RAPGEF5: variants seen among roughly 807,000 people sequenced by gnomAD.
RAPGEF5 encodes Rap guanine nucleotide exchange factor 5.
In RAPGEF5, 65 loss-of-function variants were observed where a neutral mutation model predicts 125.2. The observed-to-expected ratio is 0.52, with a 90% CI of 0.43 to 0.64. RAPGEF5 has a LOEUF of 0.64. Among genes scored for constraint, RAPGEF5 ranks in the 30% least tolerant of loss-of-function variants. The pLI, the probability that RAPGEF5 is intolerant of heterozygous loss-of-function variation, is 0.00. For synonymous variants in RAPGEF5, 391 were observed against 385.9 expected (o/e 1.01, Z -0.16); for missense variants, 958 against 1,048.1 (o/e 0.91, Z 1.19).
chr7:22,176,935 G>C (rs972779667), intron 11 of RAPGEF5, among the ~76,000 whole-genome samples: 1 of 152,156 alleles, frequency 6.6e-6, no homozygotes, highest in African/African-American at 2.4e-5. Flanking sequence ...TAAAAATACT[G>C]CTAGGACAAA....
At chr7:22,323,511 C>T (rs1783756204) in intron 1 of RAPGEF5, among the ~76,000 whole-genome samples, 1 of 152,176 alleles carries the variant, frequency 6.6e-6, no homozygotes, top group African/African-American at 2.4e-5. Context: ...GTTTTGCCTA[C>T]CAATATGGGC....
At chr7:22,263,994 A>G (rs147104720) in intron 7 of RAPGEF5, among the ~76,000 whole-genome samples, 7 of 152,310 alleles carry the variant, frequency 4.6e-5, no homozygotes, top group Admixed American at 6.5e-5. Context: ...AAGAGAATAC[A>G]TGCTACTGTA....
rs1562525617 is a variant in RAPGEF5, at chr7:22,316,476, TATATATATATA to T, written c.283-1011_283-1001del. Among the ~76,000 whole-genome samples the T allele has an allele frequency of 1.6e-3, 91 of 57,736 alleles. 1 individual carries two copies. The highest frequency in any genetic ancestry group is 6.6e-3 in the African/African-American group (88 of 13,260). The allele number at this position is 57,736 out of a possible 152,430, so 37.9% of individuals were successfully genotyped here. A position where few individuals can be genotyped will look rare whatever the true frequency, so the allele number is the denominator to read the frequency against. ...ATACATAGACATATATATATATATA[TATATATATATA>T]TATTTTTTTTTTTTTTTTTTTGAGG... On this transcript the variant is annotated intron_variant, in intron 2 of 25. Transcript: ENST00000665637.
chr7:22,357,122 C>T lies in RAPGEF5; in HGVS notation c.-62G>A. Reference sequence around the variant, plus strand: ...ACCGCGCTCGCCTCCGCGCGCCGTCCGCGCCTTCGCCAGGAAGCGAGAGGG... The same window carrying T: ...ACCGCGCTCGCCTCCGCGCGCCGTCTGCGCCTTCGCCAGGAAGCGAGAGGG... On this transcript the variant is annotated 5_prime_UTR_variant, in exon 1 of 26. Transcript: ENST00000665637. 1 of 907,632 alleles carries T rather than the reference C, an allele frequency of 1.1e-6. No homozygotes were observed. Among genetic ancestry groups the T allele is most frequent in the Non-Finnish European group, 1.3e-6 (1 of 753,430 alleles). 56.2% of individuals were successfully genotyped at this position (907,632 alleles called of 1,614,324 possible). A position where few individuals can be genotyped will look rare whatever the true frequency, so the allele number is the denominator to read the frequency against.
At position 22,209,422 on chromosome 7, in the gene RAPGEF5, G is replaced by A. The variant is rs148802784; in HGVS notation, c.996+10444C>T. Among the ~76,000 whole-genome samples the A allele has an allele frequency of 3.5e-4, 53 of 152,098 alleles. 1 individual carries two copies. The East Asian group carries it at 8.9e-3, about 25-fold the overall frequency. On this transcript the variant is annotated intron_variant, in intron 9 of 25. Coordinates refer to ENST00000665637, the MANE Select transcript of RAPGEF5 (RefSeq NM_012294.5). ...GTGTGTGCTCTCATCTCTCCATTTC[G>A]TATCCTACAGTTTTTACTTACATAT... is the stretch of plus-strand genomic sequence containing the variant.
At chr7:22,340,069 G>A (rs186201198) in intron 1 of RAPGEF5, among the ~76,000 whole-genome samples, 138 of 152,228 alleles carry the variant, frequency 9.1e-4, no homozygotes, top group Admixed American at 8.1e-3. Flanking sequence ...AACATGCAGA[G>A]GTGTGCTTCA....
intron 6 of RAPGEF5, among the ~76,000 whole-genome samples, chr7:22,277,420 AT>A (rs1188376544): frequency 6.6e-6 from 1 of 152,148 alleles, no homozygotes; most frequent in African/African-American, 2.4e-5. Flanking sequence ...ATTATCACCC[AT>A]TTTACTGCTT....
At chr7:22,211,991 G>A (rs1160038766) in intron 9 of RAPGEF5, among the ~76,000 whole-genome samples, 2 of 121,008 alleles carry the variant, frequency 1.7e-5, no homozygotes, top group Admixed American at 9.2e-5. Context: ...TTTTTAGACC[G>A]AGTCTCGCAC....
rs35024654 is a variant in RAPGEF5, at chr7:22,199,531, GAAAAAAAAAAA to G, written c.997-5509_997-5499del. On this transcript the variant is annotated intron_variant, in intron 9 of 25. Transcript: ENST00000665637. ...GTTATGTAAGTTTTACCTTAAAATTGAAAAAAAAAAAAAAAAAAAAAAAAAAAGGAACTGAG... is the reference window on the plus strand; with the variant it reads ...GTTATGTAAGTTTTACCTTAAAATTGAAAAAAAAAAAAAAAAGGAACTGAG... 3.8e-4 allele frequency among the ~76,000 whole-genome samples: 24 copies of G among 62,848 alleles called. 1 individual carries two copies. The highest frequency in any genetic ancestry group is 1.4e-3 in the African/African-American group (20 of 14,350). 41.2% of individuals were successfully genotyped at this position (62,848 alleles called of 152,430 possible).
At chr7:22,270,223 C>A (rs1281078552) in intron 6 of RAPGEF5, among the ~76,000 whole-genome samples, 1 of 152,146 alleles carries the variant, frequency 6.6e-6, no homozygotes, top group Non-Finnish European at 1.5e-5. Context: ...GCAAGCAGCT[C>A]CAGCTTCTCA....
intron 11 of RAPGEF5, chr7:22,193,101 T>C (rs1042631296): frequency 9.4e-6 from 5 of 532,964 alleles, no homozygotes; most frequent in Non-Finnish European, 1.7e-5. Flanking sequence ...TAGGTGAGAT[T>C]TGGGAAAAAT....
intron 8 of RAPGEF5, among the ~76,000 whole-genome samples, chr7:22,225,462 GGTTAT>G (rs1785896983): frequency 6.6e-6 from 1 of 152,268 alleles, no homozygotes; most frequent in African/African-American, 2.4e-5. Context: ...TTTTCAAGGA[GGTTAT>G]GAATGCTTCT....
chr7:22,282,146 G>A (rs1782686851), intron 6 of RAPGEF5, among the ~76,000 whole-genome samples: 1 of 152,018 alleles, frequency 6.6e-6, no homozygotes, highest in Non-Finnish European at 1.5e-5. Context: ...AACCGTAACT[G>A]AGCACAATGA....
At chr7:22,292,799 G>A (rs535034653) in intron 5 of RAPGEF5, among the ~76,000 whole-genome samples, 2 of 152,320 alleles carry the variant, frequency 1.3e-5, no homozygotes, top group East Asian at 1.9e-4. Flanking sequence ...GCCTTTTCAT[G>A]TTTCTCAGAC....
At chr7:22,340,402 GGAAGAAGGCCGATCA>G (rs1267298263) in intron 1 of RAPGEF5, among the ~76,000 whole-genome samples, 2 of 152,196 alleles carry the variant, frequency 1.3e-5, no homozygotes, top group African/African-American at 4.8e-5. Context: ...TCACAAACCA[GGAAGAAGGCCGATCA>G]GAGACTTCTG....
rs1054834177 is a variant in RAPGEF5 at position 22,219,953 on chromosome 7, G to A, written c.909C>T (p.Ile303=). ...GCTTCTGGACTAGTTCAATTCGTCC[G>A]ATTTCATCTCTTTCCTGGAGCTTGC... ...VMCKLQERDE[I]GRIELVQKLA... is the part of the protein sequence containing the mutation. Residue 303 remains isoleucine, a synonymous_variant, in exon 9 of 26, where the codon ATC becomes ATT. Transcript: ENST00000665637. 1.5e-5 allele frequency: 25 copies of A among 1,613,292 alleles called. No individual in the cohort carries two copies. The highest frequency in any genetic ancestry group is 6.7e-5 in the East Asian group (3 of 44,838).
At position 22,121,552 on chromosome 7, in the gene RAPGEF5, G is replaced by A. The variant is rs1010509832; in HGVS notation, c.*854C>T. 2.6e-5 allele frequency: 4 copies of A among 152,168 alleles called. No homozygotes were observed. The highest frequency in any genetic ancestry group is 4.8e-5 in the African/African-American group (2 of 41,450). The allele number at this position is 152,168 out of a possible 1,614,324, so 9.4% of individuals were successfully genotyped here. A position where few individuals can be genotyped will look rare whatever the true frequency, so the allele number is the denominator to read the frequency against. On this transcript the variant is annotated 3_prime_UTR_variant, in exon 26 of 26. Transcript: ENST00000665637. ...TGTCACCTCAGCAAGCAGTTGGTGA[G>A]TGTTTGCAATGTGTCAGGCACTGTG...
intron 1 of RAPGEF5, among the ~76,000 whole-genome samples, chr7:22,326,821 G>A (rs1055501611): frequency 6.6e-6 from 1 of 152,184 alleles, no homozygotes; most frequent in African/African-American, 2.4e-5. Flanking sequence ...TAACAACACT[G>A]TATTGCACAC....
At chr7:22,283,637 A>C (rs1164279499) in intron 6 of RAPGEF5, among the ~76,000 whole-genome samples, 2 of 152,200 alleles carry the variant, frequency 1.3e-5, no homozygotes, top group East Asian at 3.8e-4. Context: ...AACACTTCAC[A>C]AACCCATGAC....
Sources: gnomAD v4.1 joint callset for allele counts (sites outside exome capture counted in the v4.1 genomes callset) on GRCh38, gnomAD v4.1.1 for gene constraint, MANE v1.5 for transcripts, NCBI Gene and HGNC (gene_info 2026-07-23, HGNC 2026-07-21) for gene names.